The following MSI2 variants were observed in gnomAD, a reference collection of about 807,000 sequenced individuals.
MSI2 encodes RNA-binding protein Musashi homolog 2.
A neutral mutation model predicts 45.6 loss-of-function variants in MSI2; 17 were observed. The observed-to-expected ratio is 0.37, with a 90% CI of 0.26 to 0.56. The LOEUF (loss-of-function observed/expected upper bound fraction) is 0.56, where lower values mean the gene tolerates loss of function less well. Among genes scored for constraint, MSI2 ranks in the 20% least tolerant of loss-of-function variants. The pLI, the probability that MSI2 is intolerant of heterozygous loss-of-function variation, is 0.77. For synonymous variants in MSI2, 156 were observed against 158.2 expected, an observed-to-expected ratio of 0.99 and a Z score of 0.11; for missense variants, 293 against 444.2, an observed-to-expected ratio of 0.66 and a Z score of 3.06.
At chr17:57,584,147 CCT>C (rs2088281704) in intron 7 of MSI2, among the ~76,000 whole-genome samples, 1 of 152,156 alleles carries the variant, frequency 6.6e-6, no homozygotes, top group African/African-American at 2.4e-5. Context: ...CTCATTCCTC[CCT>C]GTCACTATCC....
intron 6 of MSI2, among the ~76,000 whole-genome samples, chr17:57,432,903 G>C (rs1027702943): frequency 6.6e-6 from 1 of 152,118 alleles, no homozygotes; most frequent in Non-Finnish European, 1.5e-5. Flanking sequence ...TCCTTGTCAC[G>C]GTCCCTCTTG....
intron 5 of MSI2, among the ~76,000 whole-genome samples, chr17:57,293,083 A>T (rs1340119655): frequency 1.3e-5 from 2 of 152,020 alleles, no homozygotes; most frequent in African/African-American, 4.8e-5. Context: ...AGAACATTTG[A>T]AGAATTTACT....
intron 6 of MSI2, among the ~76,000 whole-genome samples, chr17:57,468,076 C>CAGAT (rs953299060): frequency 9.2e-5 from 14 of 152,034 alleles, no homozygotes; most frequent in African/African-American, 3.4e-4. Context: ...GCTCTAGAGG[C>CAGAT]AGATGGGGCT....
At chr17:57,364,794 C>T (rs1172391498) in intron 5 of MSI2, 2 of 152,140 alleles carry the variant, frequency 1.3e-5, no homozygotes, top group Admixed American at 6.6e-5. Flanking sequence ...TGAGTCTTGT[C>T]CTAAAAACAG....
intron 11 of MSI2, among the ~76,000 whole-genome samples, chr17:57,663,388 A>G (rs1244500240): frequency 2.0e-5 from 3 of 152,230 alleles, no homozygotes; most frequent in Non-Finnish European, 4.4e-5. Flanking sequence ...GTCTGTGGTA[A>G]ACATTTGATG....
chr17:57,645,262 G>A (rs535480079), intron 10 of MSI2, among the ~76,000 whole-genome samples: 31 of 152,256 alleles, frequency 2.0e-4, no homozygotes, highest in Middle Eastern at 3.4e-3. Flanking sequence ...TGGAGACATC[G>A]CATTGGCTCT....
chr17:57,555,135 G>A (rs2087401381), intron 7 of MSI2, among the ~76,000 whole-genome samples: 6 of 152,116 alleles, frequency 3.9e-5, no homozygotes, highest in Admixed American at 3.9e-4. Context: ...CTGGGTAATG[G>A]TGCCCAGTTG....
chr17:57,623,204 C>T (rs1042201886), intron 9 of MSI2, among the ~76,000 whole-genome samples: 2 of 152,084 alleles, frequency 1.3e-5, no homozygotes, highest in African/African-American at 2.4e-5. Context: ...CTCATGGAGC[C>T]GATGAGGTGC....
intron 4 of MSI2, among the ~76,000 whole-genome samples, chr17:57,260,239 C>CCCTTAA (rs1414080585): frequency 6.6e-6 from 1 of 152,116 alleles, no homozygotes; most frequent in Admixed American, 6.5e-5. Context: ...CTTAACTTGA[C>CCCTTAA]CCTTCCTCTC....
chr17:57,688,630 T>C (rs947339344), downstream of MSI2, among the ~76,000 whole-genome samples: 5 of 152,180 alleles, frequency 3.3e-5, no homozygotes, highest in African/African-American at 9.7e-5. Flanking sequence ...TATATATGTA[T>C]GTGTGTGTAT....
chr17:57,534,450 A>C (rs561659634), intron 7 of MSI2, among the ~76,000 whole-genome samples: 1 of 152,304 alleles, frequency 6.6e-6, no homozygotes, highest in Admixed American at 6.5e-5. Flanking sequence ...GATGGCTCAC[A>C]CCTGTAATCC....
chr17:57,412,950 C>T (rs2084223881), intron 6 of MSI2, among the ~76,000 whole-genome samples: 1 of 152,162 alleles, frequency 6.6e-6, no homozygotes, highest in African/African-American at 2.4e-5. Context: ...GGTCTTTAAC[C>T]CATAGGGTTG....
intron 10 of MSI2, among the ~76,000 whole-genome samples, chr17:57,648,132 CGT>C (rs765039915): frequency 0.14 from 16,304 of 115,942 alleles, 935 homozygotes; most frequent in Admixed American, 0.17. Flanking sequence ...CTGGCTAATT[CGT>C]GTGTGTGTGT....
In MSI2 at chr17:57,564,476, C is replaced by T. The variant is rs566003510; in HGVS notation, c.455-32392C>T. On this transcript the variant is annotated intron_variant, in intron 7 of 13. Transcript: ENST00000284073. ...CCAAGTGAGGTGGCCTGGAAACCAC[C>T]AGTAAGCACACGAGGTTGGGGTGAT... Among the ~76,000 whole-genome samples the T allele has an allele frequency of 9.7e-4, 147 of 152,276 alleles. 1 individual carries two copies. The highest frequency in any genetic ancestry group is 3.1e-3 in the African/African-American group (127 of 41,538).
intron 5 of MSI2, among the ~76,000 whole-genome samples, chr17:57,401,121 G>C (rs375117909): frequency 6.6e-6 from 1 of 152,264 alleles, no homozygotes; most frequent in East Asian, 1.9e-4. Context: ...ATGAAGTTGC[G>C]TGTTGTGGCT....
chr17:57,652,031 G>T lies in MSI2; in HGVS notation c.728-68G>T. ...GAGGGCGGGGGGTTGTGTGGCCCGT[G>T]ACCTAGGTCTGTGCCTGGCCCTTTC... On this transcript the variant is annotated intron_variant, in intron 10 of 13. Transcript: ENST00000284073. This position sits in a 1 kb window ranked among gnomAD's most constrained non-coding sequence, Gnocchi z 4.1. 6.8e-7 allele frequency: 1 copy of T among 1,481,320 alleles called. No homozygotes were observed. Among genetic ancestry groups the T allele is most frequent in the Admixed American group, 1.7e-5 (1 of 59,716 alleles). 91.8% of individuals were successfully genotyped at this position (1,481,320 alleles called of 1,614,324 possible). A position where few individuals can be genotyped will look rare whatever the true frequency, so the allele number is the denominator to read the frequency against.
chr17:57,609,376 C>A (rs965179729), intron 8 of MSI2, among the ~76,000 whole-genome samples: 1 of 152,220 alleles, frequency 6.6e-6, no homozygotes, highest in African/African-American at 2.4e-5. Context: ...GACAGTCAGA[C>A]GGTCAAGGTT....
chr17:57,672,580 C>G (rs1912878155), intron 11 of MSI2, among the ~76,000 whole-genome samples: 1 of 152,202 alleles, frequency 6.6e-6, no homozygotes, highest in African/African-American at 2.4e-5. Flanking sequence ...GTTAGGTGGG[C>G]CTGCCCAACA....
chr17:57,636,604 C>T (rs576108235), intron 10 of MSI2, among the ~76,000 whole-genome samples: 14 of 152,346 alleles, frequency 9.2e-5, no homozygotes, highest in African/African-American at 3.1e-4. Context: ...ACAGAGTTCC[C>T]CTCCCCAGGC....
Sources: allele counts gnomAD v4.1 joint callset (sites outside exome capture counted in the v4.1 genomes callset), GRCh38; gene constraint gnomAD v4.1.1; non-coding constraint Gnocchi (gnomAD v3.1); transcripts MANE v1.5; gene names NCBI Gene and HGNC (gene_info 2026-07-23, HGNC 2026-07-21).